Variants in WDR35 observed in about 807,000 individuals in gnomAD.
WDR35 encodes WD repeat domain 35.
A neutral mutation model predicts 158.3 loss-of-function variants in WDR35; 118 were observed. The ratio of observed to expected loss-of-function variants is 0.75; its 90% CI spans 0.64 to 0.87. WDR35 has a LOEUF of 0.87. Among genes scored for constraint, WDR35 ranks in the 40% least tolerant of loss-of-function variants. The probability of loss-of-function intolerance (pLI) is 0.00; values close to 1 mark genes in which losing one functional copy is unlikely to be tolerated. For synonymous variants in WDR35, 448 were observed against 476.1 expected (o/e 0.94, Z 0.77); for missense variants, 1,263 against 1,405.8 (o/e 0.90, Z 1.62).
At chr2:19,976,469 T>G (rs1672216581) in intron 5 of WDR35, among the ~76,000 whole-genome samples, 1 of 152,078 alleles carries the variant, frequency 6.6e-6, no homozygotes, top group Admixed American at 6.6e-5. Flanking sequence ...AGTCCAGACC[T>G]CACCAATATT....
intron 25 of WDR35, among the ~76,000 whole-genome samples, chr2:19,924,101 C>T (rs1670274211): frequency 6.6e-6 from 1 of 152,144 alleles, no homozygotes; most frequent in Admixed American, 6.5e-5. Context: ...GGTTTAGATG[C>T]ACAAGTGGTC....
At position 19,934,551 on chromosome 2, in the gene WDR35, ATTATAG is replaced by A. The variant is rs1670634196; in HGVS notation, c.2547+914_2547+919del. On this transcript the variant is annotated intron_variant, in intron 21 of 26. Coordinates refer to ENST00000281405, the MANE Select transcript of WDR35 (RefSeq NM_020779.4). The surrounding 1 kb of genome is among the most constrained non-coding windows in gnomAD (Gnocchi z 4.6). The stretch of plus-strand genomic sequence containing the variant: ...TTACTATTTTAGTTATTTAATTATC[ATTATAG>A]TTATAATTACTTAGCATTTACTCAG... Among the ~76,000 whole-genome samples the A allele has an allele frequency of 6.6e-6, 1 of 152,070 alleles. No individual in the cohort carries two copies. The highest frequency in any genetic ancestry group is 1.5e-5 in the Non-Finnish European group (1 of 68,014).
intron 17 of WDR35, among the ~76,000 whole-genome samples, chr2:19,941,508 G>A (rs1670875956): frequency 2.0e-5 from 3 of 152,012 alleles, no homozygotes; most frequent in Non-Finnish European, 4.4e-5. Flanking sequence ...CCTATAAGTA[G>A]TATTATTATC....
chr2:19,937,616 C>A, intron 19 of WDR35, 127 bp downstream of exon 19: 5 of 1,285,112 alleles, frequency 3.9e-6, no homozygotes, highest in South Asian at 1.3e-5. Context: ...AGGTTGTAAT[C>A]CAAACTTAAA....
At position 19,973,703 on chromosome 2, in the gene WDR35, C is replaced by T. The variant is rs372968757; in HGVS notation, c.742G>A (p.Val248Ile). 6.8e-6 allele frequency: 11 copies of T among 1,613,200 alleles called. No homozygotes were observed. The highest frequency in any genetic ancestry group is 6.7e-5 in the African/African-American group (5 of 74,874). The change falls in exon 8 of 27, where the codon GTT becomes ATT. Residue 248 changes from valine to isoleucine, a missense_variant. Transcript: ENST00000281405. ...IMRHENDQNP[V>I]LIDTGMYVVG... ...ACGTACATGCCAGTGTCAATCAAAA[C>T]GGGATCTAGTCAGAAAGAGAAAAAT...
chr2:19,926,556 T>C lies in WDR35; in HGVS notation c.3121+3840A>G, dbSNP rs1003966261. ...TGATTTCATACAGATGAACAACTGA[T>C]GACAAAAACAAAAAAGAGGGAGAGA... is the stretch of plus-strand genomic sequence containing the variant. On this transcript the variant is annotated intron_variant, in intron 25 of 26. Transcript: ENST00000281405. Among the ~76,000 whole-genome samples, 80 of 152,286 alleles carry C rather than the reference T, an allele frequency of 5.3e-4. 2 individuals are homozygous for C. The highest frequency in any genetic ancestry group is 4.4e-5 in the Non-Finnish European group (3 of 68,010).
At chr2:19,928,989 A>G (rs1244224118) in intron 25 of WDR35, among the ~76,000 whole-genome samples, 1 of 152,036 alleles carries the variant, frequency 6.6e-6, no homozygotes, top group African/African-American at 2.4e-5. Context: ...TTGTATTTTT[A>G]GTAAAGACAG....
rs181799084 is a variant in WDR35 at position 19,923,726 on chromosome 2, G to A, written c.3121+6670C>T. Among the ~76,000 whole-genome samples, 66 of 152,276 alleles carry A rather than the reference G, an allele frequency of 4.3e-4. 1 individual carries two copies. In the East Asian group the frequency reaches 0.01, roughly 24 times the overall value. On this transcript the variant is annotated intron_variant, in intron 25 of 26. Transcript: ENST00000281405. ...CAGGCAGGAATTCAGCAAGCTAGAC[G>A]AGAGGGTGATTTACAGGCTTGACAG... is the stretch of plus-strand genomic sequence containing the variant.
chr2:19,934,863 TCA>T lies in WDR35; in HGVS notation c.2547+606_2547+607del, dbSNP rs1670642744. On this transcript the variant is annotated intron_variant, in intron 21 of 26. Transcript: ENST00000281405. The surrounding 1 kb of genome is among the most constrained non-coding windows in gnomAD (Gnocchi z 4.6). ...ATAGGCAAAATTTTTGAAGCAGAAC[TCA>T]CAACTGATATACATCCAGACTCTGC... Among the ~76,000 whole-genome samples, 1 of 152,190 alleles carries T rather than the reference TCA, an allele frequency of 6.6e-6. No homozygotes were observed. The highest frequency in any genetic ancestry group is 2.1e-4 in the South Asian group (1 of 4,834).
Position 19,914,064 on chromosome 2 carries a change from T to C in WDR35, c.3335A>G (p.Lys1112Arg), listed in dbSNP as rs138007924. The change falls in exon 26 of 27, where the codon AAA becomes AGA. Residue 1112 changes from lysine (K) to arginine (R), a missense_variant. By Grantham distance (26) the Lys-to-Arg change is conservative (BLOSUM62 2). Transcript: ENST00000281405. ...FTKHTSKDNR[K>R]PELDSLMEGG... ...TTCCATAAGGCTGTCCAATTCAGGT[T>C]TTCTGTTATCTTTTGAAGTATGTTT... The C allele has an allele frequency of 1.6e-4, 265 of 1,614,158 alleles. No homozygotes were observed. In the African/African-American group the frequency reaches 3.2e-3, roughly 19 times the overall value.
intron 14 of WDR35, 102 bp from the exon 15 acceptor site, chr2:19,946,672 T>A: frequency 2.8e-6 from 3 of 1,056,976 alleles, no homozygotes; most frequent in Non-Finnish European, 4.3e-6. Context: ...AAAACCAAAG[T>A]GATGTCACAG....
chr2:19,918,374 T>A (rs566608221), intron 25 of WDR35, among the ~76,000 whole-genome samples: 23 of 152,170 alleles, frequency 1.5e-4, no homozygotes, highest in Non-Finnish European at 2.8e-4. Context: ...AATGTCAGGA[T>A]CAAATTCACA....
rs1055790767 is a variant in WDR35, at chr2:19,934,793, T to C, written c.2547+678A>G. 2.6e-5 allele frequency among the ~76,000 whole-genome samples: 4 copies of C among 152,090 alleles called. No individual in the cohort carries two copies. Among genetic ancestry groups the C allele is most frequent in the Non-Finnish European group, 5.9e-5 (4 of 68,002 alleles). On this transcript the variant is annotated intron_variant, in intron 21 of 26. Transcript: ENST00000281405. The surrounding 1 kb of genome is among the most constrained non-coding windows in gnomAD (Gnocchi z 4.6). ...CAGAGATAGCCGCTCAAATTCACAA[T>C]AGGGAAAACTGAATTACCGTAATTC...
At position 19,990,050 on chromosome 2, in the gene WDR35, AGGCCCTCGACAAGTAAC is replaced by A. The variant is rs1479700704; in HGVS notation, c.-52_-36del. 5.6e-6 allele frequency: 9 copies of A among 1,612,626 alleles called. No homozygotes were observed. The highest frequency in any genetic ancestry group is 7.6e-6 in the Non-Finnish European group (9 of 1,179,438). ...CCCGAGAGGGTCACGGCGGCCGCTA[AGGCCCTCGACAAGTAAC>A]GGTTCTACGTCTCCAATCGGGAGTA... is the stretch of plus-strand genomic sequence containing the variant. On this transcript the variant is annotated 5_prime_UTR_variant, in exon 1 of 27. Transcript: ENST00000281405.
At position 19,941,784 on chromosome 2, in the gene WDR35, G is replaced by T. The variant is rs560603380; in HGVS notation, c.1901C>A (p.Ser634Tyr). The change falls in exon 17 of 27, where the codon TCT (serine) becomes TAT (tyrosine). Residue 634 changes from serine (S) to tyrosine (Y), a missense_variant. Transcript: ENST00000281405. Reference sequence around the variant, plus strand: ...CTTTAATATCTCATCCAAAAGAACAGATTTAATTTCTAAATCCTCAAAATT... The same window carrying T: ...CTTTAATATCTCATCCAAAAGAACATATTTAATTTCTAAATCCTCAAAATT... ...ICNFEDLEIK[S>Y]VLLDEILKDP... 3.1e-5 allele frequency: 49 copies of T among 1,569,414 alleles called. No homozygotes were observed. In the Admixed American group the frequency reaches 7.1e-4, roughly 23 times the overall value.
rs1572297526 is a variant in WDR35 at position 19,910,423 on chromosome 2, C to G, written c.*3135G>C. ...TTGTGAATTAAGCATGTCAACATTA[C>G]TGTGTTGCTTGTTAGGCACACTGCT... On this transcript the variant is annotated 3_prime_UTR_variant, in exon 27 of 27. Transcript: ENST00000281405. The G allele has an allele frequency of 6.6e-6, 1 of 152,302 alleles. No individual in the cohort carries two copies. The highest frequency in any genetic ancestry group is 1.9e-4 in the East Asian group (1 of 5,190). 9.4% of individuals were successfully genotyped at this position (152,302 alleles called of 1,614,324 possible). A position where few individuals can be genotyped will look rare whatever the true frequency, so the allele number is the denominator to read the frequency against.
At chr2:19,976,820 G>T (rs1672231331) in intron 5 of WDR35, among the ~76,000 whole-genome samples, 1 of 115,826 alleles carries the variant, frequency 8.6e-6, no homozygotes, top group Non-Finnish European at 1.8e-5. Flanking sequence ...AAATGTTGCT[G>T]ATTTTTTTTT....
Position 19,934,073 on chromosome 2 carries a change from A to AC in WDR35, c.2548-563dup, listed in dbSNP as rs1335530311. On this transcript the variant is annotated intron_variant, in intron 21 of 26. Coordinates refer to ENST00000281405, the MANE Select transcript of WDR35 (RefSeq NM_020779.4). The surrounding 1 kb of genome is among the most constrained non-coding windows in gnomAD (Gnocchi z 4.6). ...CACCACCACCACCACCACCACCACC[A>AC]CAAAAAAAAATCCTACTTGTTCAGC... is the stretch of plus-strand genomic sequence containing the variant. Among the ~76,000 whole-genome samples, 6 of 124,506 alleles carry AC rather than the reference A, an allele frequency of 4.8e-5. No homozygotes were observed. The highest frequency in any genetic ancestry group is 1.8e-4 in the African/African-American group (6 of 32,570). The allele number at this position is 124,506 out of a possible 152,430, so 81.7% of individuals were successfully genotyped here. A position where few individuals can be genotyped will look rare whatever the true frequency, so the allele number is the denominator to read the frequency against.
At chr2:19,971,746 G>C (rs1159124753) in intron 8 of WDR35, among the ~76,000 whole-genome samples, 2 of 152,084 alleles carry the variant, frequency 1.3e-5, no homozygotes, top group African/African-American at 2.4e-5. Flanking sequence ...TCTTGGTATT[G>C]ACCCATCCAT....
Sources: allele counts gnomAD v4.1 joint callset (sites outside exome capture counted in the v4.1 genomes callset), GRCh38; gene constraint gnomAD v4.1.1; non-coding constraint Gnocchi (gnomAD v3.1); transcripts MANE v1.5; gene names NCBI Gene and HGNC (gene_info 2026-07-23, HGNC 2026-07-21).